MYLK: variants seen among roughly 807,000 people sequenced by gnomAD.
MYLK encodes myosin light chain kinase, also known as myosin light chain kinase, smooth muscle.
MYLK carries 106 observed loss-of-function variants against 203.4 expected under a neutral mutation model. The ratio of observed to expected loss-of-function variants is 0.52; its 90% CI spans 0.45 to 0.61. The LOEUF (loss-of-function observed/expected upper bound fraction) is 0.61, where lower values mean the gene tolerates loss of function less well. Among genes scored for constraint, MYLK ranks in the 20% least tolerant of loss-of-function variants. MYLK has a pLI of 0.00. For synonymous variants in MYLK, 867 were observed against 959.5 expected, an observed-to-expected ratio of 0.90 and a Z score of 1.78; for missense variants, 2,072 against 2,442.3, an observed-to-expected ratio of 0.85 and a Z score of 3.20.
At chr3:123,711,269 C>A (rs1253106545) in intron 13 of MYLK, among the ~76,000 whole-genome samples, 1 of 152,130 alleles carries the variant, frequency 6.6e-6, no homozygotes, top group Non-Finnish European at 1.5e-5. Flanking sequence ...GAGAATTTCA[C>A]TTTTAAAAAT....
At chr3:123,878,724 G>C (rs1490874429) in intron 1 of MYLK, among the ~76,000 whole-genome samples, 1 of 152,056 alleles carries the variant, frequency 6.6e-6, no homozygotes, top group Non-Finnish European at 1.5e-5. Flanking sequence ...TCTTGCTCTT[G>C]TTGCCTAGGC....
At chr3:123,678,710 G>A (rs2060156530) in intron 20 of MYLK, among the ~76,000 whole-genome samples, 1 of 151,870 alleles carries the variant, frequency 6.6e-6, no homozygotes. Flanking sequence ...CTGGGACTGG[G>A]GATGGCAAAG....
intron 16 of MYLK, among the ~76,000 whole-genome samples, chr3:123,705,100 A>T (rs1327827398): frequency 5.3e-5 from 8 of 152,118 alleles, no homozygotes. Flanking sequence ...CCTAGCAGGG[A>T]CAGGCAGGAT....
rs190851483 is a variant in MYLK, at chr3:123,740,407, C to T, written c.374-406G>A. 4.3e-4 allele frequency among the ~76,000 whole-genome samples: 65 copies of T among 152,330 alleles called. 1 individual carries two copies. Among genetic ancestry groups the T allele is most frequent in the South Asian group, 4.1e-4 (2 of 4,830 alleles). On this transcript the variant is annotated intron_variant, in intron 5 of 33. Coordinates refer to ENST00000360304, the MANE Select transcript of MYLK (RefSeq NM_053025.4). ...GGATTATTTGGGGGTGATTCAGGACCTCTCCAGAACATTTTCTCAGTTAAA... is the reference window on the plus strand; with the variant it reads ...GGATTATTTGGGGGTGATTCAGGACTTCTCCAGAACATTTTCTCAGTTAAA...
At position 123,791,165 on chromosome 3, in the gene MYLK, T is replaced by C. The variant is rs530344853; in HGVS notation, c.165+2512A>G. Among the ~76,000 whole-genome samples, 57 of 152,214 alleles carry C rather than the reference T, an allele frequency of 3.7e-4. No individual in the cohort carries two copies. The South Asian group carries it at 4.2e-3, about 11-fold the overall frequency. Reference sequence around the variant, plus strand: ...GGGGTCAGCTGCAGGCAAGGTCAAGTGGCCCCAACAGTGAAGGCTGACATG... The same window carrying C: ...GGGGTCAGCTGCAGGCAAGGTCAAGCGGCCCCAACAGTGAAGGCTGACATG... On this transcript the variant is annotated intron_variant, in intron 4 of 33. Coordinates refer to ENST00000360304, the MANE Select transcript of MYLK (RefSeq NM_053025.4).
chr3:123,798,510 C>G (rs138014191), intron 3 of MYLK, among the ~76,000 whole-genome samples: 1 of 152,078 alleles, frequency 6.6e-6, no homozygotes, highest in East Asian at 1.9e-4. Context: ...GGCTCAGGAC[C>G]CTCTGTGCAA....
chr3:123,724,089 C>T (rs2095504945), intron 12 of MYLK, among the ~76,000 whole-genome samples: 1 of 150,080 alleles, frequency 6.7e-6, no homozygotes, highest in Non-Finnish European at 1.5e-5. Context: ...ACTCTTATTA[C>T]CCAGGTTGGA....
At chr3:123,721,288 C>T (rs1312584252) in intron 13 of MYLK, among the ~76,000 whole-genome samples, 24 of 151,856 alleles carry the variant, frequency 1.6e-4, no homozygotes, top group East Asian at 9.9e-4. Flanking sequence ...AGACCAGTCA[C>T]GCTGCACTCA....
intron 3 of MYLK, among the ~76,000 whole-genome samples, chr3:123,829,566 A>G (rs2066252666): frequency 6.6e-6 from 1 of 152,196 alleles, no homozygotes; most frequent in African/African-American, 2.4e-5. Flanking sequence ...ATAATATATT[A>G]TATAGTTTCA....
intron 32 of MYLK, among the ~76,000 whole-genome samples, chr3:123,619,304 TGGAG>T (rs1368861534): frequency 6.6e-6 from 1 of 152,188 alleles, no homozygotes; most frequent in African/African-American, 2.4e-5. Context: ...AGCTGTAACT[TGGAG>T]GGACACCTGT....
chr3:123,709,065 T>C lies in MYLK; in HGVS notation c.1943-170A>G, dbSNP rs1286177086. On this transcript the variant is annotated intron_variant, in intron 14 of 33. Coordinates refer to ENST00000360304, the MANE Select transcript of MYLK (RefSeq NM_053025.4). ...AAACAGGATCTACCTCATGGGTTTG[T>C]TGGGAGGACCTTAAAATTTGAATAG... 8.6e-6 allele frequency: 5 copies of C among 582,422 alleles called. No individual in the cohort carries two copies. The African/African-American group carries it at 9.3e-5, about 11-fold the overall frequency. The allele number at this position is 582,422 out of a possible 1,614,324, so 36.1% of individuals were successfully genotyped here.
At position 123,648,214 on chromosome 3, in the gene MYLK, C is replaced by T. The variant is rs1408938847; in HGVS notation, c.4415+757G>A. Among the ~76,000 whole-genome samples, 3 of 152,186 alleles carry T rather than the reference C, an allele frequency of 2.0e-5. No homozygotes were observed. Among genetic ancestry groups the T allele is most frequent in the Non-Finnish European group, 4.4e-5 (3 of 68,042 alleles). ...ACCTCTTCTATTCCTCCAGGGACAG[C>T]GTAAGGGCAGATGAACAGCTTGGCT... On this transcript the variant is annotated intron_variant, in intron 26 of 33. Coordinates refer to ENST00000360304, the MANE Select transcript of MYLK (RefSeq NM_053025.4). This position sits in a 1 kb window ranked among gnomAD's most constrained non-coding sequence, Gnocchi z 4.5.
intron 2 of MYLK, among the ~76,000 whole-genome samples, chr3:123,864,216 C>A (rs1247189567): frequency 6.6e-6 from 1 of 152,086 alleles, no homozygotes; most frequent in South Asian, 2.1e-4. Context: ...GAAAGAAATA[C>A]AAAGGAATTC....
chr3:123,847,396 T>A (rs1032441228), intron 2 of MYLK, among the ~76,000 whole-genome samples: 1 of 152,142 alleles, frequency 6.6e-6, no homozygotes, highest in Non-Finnish European at 1.5e-5. Context: ...ATCTTCAATA[T>A]TCACATTTTT....
At chr3:123,861,572 A>C (rs1197287530) in intron 2 of MYLK, among the ~76,000 whole-genome samples, 1 of 152,234 alleles carries the variant, frequency 6.6e-6, no homozygotes, top group Non-Finnish European at 1.5e-5. Context: ...ACCCTTGTAG[A>C]AAGCATTTAT....
At chr3:123,714,184 C>CA (rs1293388866) in intron 13 of MYLK, among the ~76,000 whole-genome samples, 2 of 152,214 alleles carry the variant, frequency 1.3e-5, no homozygotes, top group East Asian at 3.9e-4. Context: ...GTCTGTTTTA[C>CA]AGTGGAGGGA....
At chr3:123,755,496 T>A (rs2063332503) in intron 4 of MYLK, among the ~76,000 whole-genome samples, 1 of 152,224 alleles carries the variant, frequency 6.6e-6, no homozygotes, top group African/African-American at 2.4e-5. Context: ...TATGATACTT[T>A]TATAGCACAT....
In MYLK at chr3:123,701,469, G is replaced by T. The variant is rs1199782961; in HGVS notation, c.2431C>A (p.Leu811Ile). 3 of 1,613,992 alleles carry T rather than the reference G, an allele frequency of 1.9e-6. No homozygotes were observed. The highest frequency in any genetic ancestry group is 1.7e-6 in the Non-Finnish European group (2 of 1,180,034). ...AGGGCTCTGGCAGAGCTGTTCTGTA[G>T]CATCAGTGACACCTGGCAACTGCAT... ...GECSCQVSLM[L>I]QNSSARALPR... Residue 811 changes from leucine to isoleucine, a missense_variant, in exon 17 of 34, where the codon CTA becomes ATA. Physicochemically the swap from Leu to Ile is conservative, Grantham distance 5. This residue lies in a region of MYLK where 865 missense variants were observed against 1,016.0 expected (regional missense o/e 0.85). Coordinates refer to ENST00000360304, the MANE Select transcript of MYLK (RefSeq NM_053025.4).
chr3:123,726,103 C>T (rs748931760), intron 11 of MYLK, 25 bp from the exon 12 acceptor site: 7 of 1,613,830 alleles, frequency 4.3e-6, no homozygotes, highest in Non-Finnish European at 5.9e-6. Flanking sequence ...GACAGGTCAG[C>T]TCAGATCACA....
Sources: gnomAD v4.1 joint callset for allele counts (sites outside exome capture counted in the v4.1 genomes callset) on GRCh38, gnomAD v4.1.1 for gene constraint, gnomAD v4.1.1 regional missense constraint, Gnocchi (gnomAD v3.1) non-coding constraint, MANE v1.5 for transcripts, NCBI Gene and HGNC (gene_info 2026-07-23, HGNC 2026-07-21) for gene names.